The following GLIS1 variants were observed in gnomAD, a reference collection of about 807,000 sequenced individuals.
GLIS1 encodes the protein zinc finger protein GLIS1.
A neutral mutation model predicts 63.8 loss-of-function variants in GLIS1; 24 were observed. The ratio of observed to expected loss-of-function variants is 0.38; its 90% CI spans 0.27 to 0.53. The LOEUF (loss-of-function observed/expected upper bound fraction) is 0.53. Among genes scored for constraint, GLIS1 ranks in the 20% least tolerant of loss-of-function variants. GLIS1 has a pLI of 0.85. For missense variants in GLIS1, 1,036 were observed against 1,074.1 expected (o/e 0.96, Z 0.50); for synonymous variants, 450 against 482.5 (o/e 0.93, Z 0.88).
intron 2 of GLIS1, among the ~76,000 whole-genome samples, chr1:53,603,459 G>A (rs985356028): frequency 6.6e-6 from 1 of 152,202 alleles, no homozygotes. Flanking sequence ...CTGCAAACAC[G>A]TGTCCCAGAA....
At chr1:53,651,709 C>T (rs1557503054) in intron 2 of GLIS1, among the ~76,000 whole-genome samples, 1 of 151,980 alleles carries the variant, frequency 6.6e-6, no homozygotes, top group Non-Finnish European at 1.5e-5. Context: ...CACCCTGTCT[C>T]TACAAAAAAT....
intron 3 of GLIS1, among the ~76,000 whole-genome samples, chr1:53,599,850 T>C (rs12120383): frequency 0.8 from 122,511 of 152,318 alleles, 54,069 homozygotes; most frequent in Non-Finnish European, 0.99. Context: ...TCTTCTGAAA[T>C]GATTGATTCT....
Position 53,611,360 on chromosome 1 carries a change from G to A in GLIS1, c.260-11082C>T, listed in dbSNP as rs140144078. Among the ~76,000 whole-genome samples, 44 of 152,316 alleles carry A rather than the reference G, an allele frequency of 2.9e-4. No homozygotes were observed. The East Asian group carries it at 8.5e-3, about 29-fold the overall frequency. On this transcript the variant is annotated intron_variant, in intron 2 of 10. Transcript: ENST00000628545. ...CTGCCTTGACCTCCCAAAGTGCTGG[G>A]ATTGTAGGCATGAGCCACTGCGCCT...
intron 2 of GLIS1, among the ~76,000 whole-genome samples, chr1:53,643,138 G>A (rs1051600633): frequency 1.3e-5 from 2 of 152,218 alleles, no homozygotes; most frequent in Admixed American, 6.5e-5. Flanking sequence ...CCCAAAAGTG[G>A]AGGGCTTCAT....
intron 5 of GLIS1, 116 bp downstream of exon 5, chr1:53,529,675 T>A: frequency 9.2e-7 from 1 of 1,085,852 alleles, no homozygotes; most frequent in Non-Finnish European, 1.3e-6. Flanking sequence ...CTGCCAAGCA[T>A]CTCCTGCCCC....
rs1359190788 is a variant in GLIS1, at chr1:53,524,763, G to A, written c.1593+14C>T. 1.2e-6 allele frequency: 2 copies of A among 1,600,114 alleles called. No individual in the cohort carries two copies. Among genetic ancestry groups the A allele is most frequent in the South Asian group, 2.2e-5 (2 of 90,718 alleles). ...GCGAGGTGGGAGGAGGCCAGATGAGGAGGGCTGGCTTACCTTCTTACGCAC... is the reference window on the plus strand; with the variant it reads ...GCGAGGTGGGAGGAGGCCAGATGAGAAGGGCTGGCTTACCTTCTTACGCAC... On this transcript the variant is annotated intron_variant, in intron 6 of 10. Coordinates refer to ENST00000628545, the MANE Select transcript of GLIS1 (RefSeq NM_001367484.1).
intron 3 of GLIS1, among the ~76,000 whole-genome samples, chr1:53,596,896 T>C (rs1269522605): frequency 6.6e-6 from 1 of 151,994 alleles, no homozygotes; most frequent in Admixed American, 6.5e-5. Flanking sequence ...GAATGGAAAG[T>C]CAGTGATTTC....
chr1:53,572,947 C>G (rs1487903415), intron 4 of GLIS1, among the ~76,000 whole-genome samples: 1 of 152,200 alleles, frequency 6.6e-6, no homozygotes, highest in Non-Finnish European at 1.5e-5. Context: ...ATTTGTAAAA[C>G]AGCACCTAGC....
chr1:53,523,491 C>T (rs1644432463), intron 6 of GLIS1, among the ~76,000 whole-genome samples: 1 of 152,214 alleles, frequency 6.6e-6, no homozygotes, highest in South Asian at 2.1e-4. Flanking sequence ...GCTTGGAATA[C>T]AGTAGGTGCT....
At chr1:53,702,015 A>AG (rs1320660060) in intron 2 of GLIS1, among the ~76,000 whole-genome samples, 28 of 147,110 alleles carry the variant, frequency 1.9e-4, no homozygotes, top group East Asian at 9.9e-4. Context: ...AAAAAAAAAA[A>AG]AAAAAAAGAA....
intron 5 of GLIS1, among the ~76,000 whole-genome samples, chr1:53,528,554 C>T (rs897096458): frequency 6.6e-6 from 1 of 152,154 alleles, no homozygotes; most frequent in Non-Finnish European, 1.5e-5. Context: ...GTGTCCCCCC[C>T]AGGGCCTGGC....
chr1:53,509,376 CG>C (rs1195152553), intron 9 of GLIS1, 89 bp from the exon 10 acceptor site: 1 of 1,300,094 alleles, frequency 7.7e-7, no homozygotes, highest in Non-Finnish European at 1.1e-6. Context: ...CTCCACCTCC[CG>C]TGTTGTCCTG....
chr1:53,728,879 C>T (rs1028508063), intron 2 of GLIS1, among the ~76,000 whole-genome samples: 4 of 152,224 alleles, frequency 2.6e-5, no homozygotes, highest in African/African-American at 9.6e-5. Context: ...AGATTTTTCC[C>T]ATTGGCCAGC....
rs370953835 is a variant in GLIS1, at chr1:53,512,387, G to A, written c.1883+2238C>T. Among the ~76,000 whole-genome samples the A allele has an allele frequency of 1.2e-4, 18 of 152,256 alleles. 1 individual carries two copies. The East Asian group carries it at 1.9e-3, about 16-fold the overall frequency. On this transcript the variant is annotated intron_variant, in intron 8 of 10. Coordinates refer to ENST00000628545, the MANE Select transcript of GLIS1 (RefSeq NM_001367484.1). ...GGCTGGGAAAAAAAATACCCTATTC[G>A]GCGTCTTCTCTGAGCCAGGGTAAAT...
chr1:53,573,410 G>T (rs1021887875), intron 4 of GLIS1, among the ~76,000 whole-genome samples: 2 of 152,100 alleles, frequency 1.3e-5, no homozygotes, highest in Admixed American at 1.3e-4. Flanking sequence ...GCCCAATCCA[G>T]CCCACCCTTC....
chr1:53,520,831 G>C, intron 6 of GLIS1, 65 bp from the exon 7 acceptor site: 1 of 1,507,948 alleles, frequency 6.6e-7, no homozygotes, highest in South Asian at 1.3e-5. Flanking sequence ...CAACCCTCAC[G>C]TTAGGGGACA....
intron 6 of GLIS1, among the ~76,000 whole-genome samples, chr1:53,523,304 G>A (rs75527787): frequency 0.018 from 2,805 of 152,090 alleles, 54 homozygotes; most frequent in South Asian, 0.053. Context: ...CTGCCTGCAG[G>A]CTGGAGACCA....
intron 3 of GLIS1, among the ~76,000 whole-genome samples, chr1:53,595,728 TG>T (rs1204555929): frequency 6.6e-6 from 1 of 152,232 alleles, no homozygotes; most frequent in Admixed American, 6.5e-5. Flanking sequence ...TCTTAATTTT[TG>T]TAATCTAGCT....
At chr1:53,731,494 T>TA in intron 2 of GLIS1, among the ~76,000 whole-genome samples, 1 of 152,346 alleles carries the variant, frequency 6.6e-6, no homozygotes, top group East Asian at 1.9e-4. Flanking sequence ...CGCCTGGGTT[T>TA]AAGAAGCTGG....
Sources: allele counts gnomAD v4.1 joint callset (sites outside exome capture counted in the v4.1 genomes callset), GRCh38; gene constraint gnomAD v4.1.1; transcripts MANE v1.5; gene names NCBI Gene and HGNC (gene_info 2026-07-23, HGNC 2026-07-21).